Variants in BCR observed in about 807,000 individuals in gnomAD.
BCR encodes breakpoint cluster region protein.
Under a neutral mutation model 138.6 loss-of-function variants are expected in BCR, and 58 were observed. The ratio of observed to expected loss-of-function variants is 0.42; its 90% CI spans 0.34 to 0.52. BCR has a LOEUF of 0.52. Among genes scored for constraint, BCR ranks in the 20% least tolerant of loss-of-function variants. BCR has a pLI of 0.06. For missense variants in BCR, 1,599 were observed against 1,727.2 expected (o/e 0.93, Z 1.32); for synonymous variants, 786 against 730.1 (o/e 1.08, Z -1.23).
At chr22:23,194,605 G>A (rs935425126) in intron 1 of BCR, among the ~76,000 whole-genome samples, 2 of 151,848 alleles carry the variant, frequency 1.3e-5, no homozygotes, top group African/African-American at 4.8e-5. Context: ...GTAGAGACGG[G>A]GTTTCACCGT....
intron 15 of BCR, among the ~76,000 whole-genome samples, chr22:23,294,375 C>A (rs950631677): frequency 6.6e-6 from 1 of 152,186 alleles, no homozygotes; most frequent in Non-Finnish European, 1.5e-5. Context: ...GAACCTGCAT[C>A]GACAGATCAT....
intron 16 of BCR, among the ~76,000 whole-genome samples, chr22:23,305,416 G>C (rs1490178207): frequency 1.3e-5 from 2 of 152,200 alleles, no homozygotes; most frequent in Non-Finnish European, 2.9e-5. Context: ...CCCCCTCCCT[G>C]CCCCTGCTGA....
intron 8 of BCR, among the ~76,000 whole-genome samples, chr22:23,278,196 C>T (rs1036615995): frequency 6.6e-6 from 1 of 152,236 alleles, no homozygotes; most frequent in Non-Finnish European, 1.5e-5. Context: ...GGAAGCATAG[C>T]GGACGATCCA....
chr22:23,238,201 C>G (rs1002891904), intron 1 of BCR, among the ~76,000 whole-genome samples: 4 of 151,786 alleles, frequency 2.6e-5, no homozygotes, highest in Non-Finnish European at 5.9e-5. Context: ...GGGGGATGAT[C>G]GAAGAAAGCC....
chr22:23,284,983 C>A, intron 9 of BCR, 50 bp from the exon 10 acceptor site: 1 of 1,579,742 alleles, frequency 6.3e-7, no homozygotes. Flanking sequence ...GTGACATCAG[C>A]CATAGAAGGC....
chr22:23,181,322 G>A lies in BCR; in HGVS notation c.362G>A (p.Gly121Asp). 2 of 1,395,494 alleles carry A rather than the reference G, an allele frequency of 1.4e-6. No individual in the cohort carries two copies. The highest frequency in any genetic ancestry group is 1.9e-6 in the Non-Finnish European group (2 of 1,076,700). The allele number at this position is 1,395,494 out of a possible 1,614,324, so 86.4% of individuals were successfully genotyped here. Reference sequence around the variant, plus strand: ...CCCGAGGCCCGGCCCGACGGCGAGGGTTCTCCGGGTAAGGCCAGGCCCGGG... The same window carrying A: ...CCCGAGGCCCGGCCCGACGGCGAGGATTCTCCGGGTAAGGCCAGGCCCGGG... ...EEPEARPDGE[G>D]SPGKARPGTA... Residue 121 changes from glycine to aspartate, a missense_variant, in exon 1 of 23, where the codon GGT becomes GAT. This residue lies in a region of BCR where 806 missense variants were observed against 635.0 expected (regional missense o/e 1.27). Transcript: ENST00000305877.
At chr22:23,295,956 C>T (rs547696053) in intron 16 of BCR, among the ~76,000 whole-genome samples, 1 of 152,234 alleles carries the variant, frequency 6.6e-6, no homozygotes, top group African/African-American at 2.4e-5. Context: ...CCAGGACCTT[C>T]CATCTTCACA....
At chr22:23,233,358 C>T (rs1248986146) in intron 1 of BCR, among the ~76,000 whole-genome samples, 2 of 152,280 alleles carry the variant, frequency 1.3e-5, no homozygotes, top group East Asian at 1.9e-4. Flanking sequence ...AGGCTGTTCT[C>T]GTTTGGAAAC....
intron 4 of BCR, chr22:23,262,868 CGAA>C: frequency 9.5e-7 from 1 of 1,053,248 alleles, no homozygotes; most frequent in Non-Finnish European, 1.1e-6. Context: ...CCGCAGACGG[CGAA>C]GGAGGCAGCG....
chr22:23,249,228 G>GA (rs2073192690), intron 1 of BCR, among the ~76,000 whole-genome samples: 2 of 152,100 alleles, frequency 1.3e-5, no homozygotes, highest in South Asian at 4.1e-4. Context: ...AGGAGATGGA[G>GA]ACCATCCTGG....
chr22:23,186,418 T>G (rs919771689), intron 1 of BCR, among the ~76,000 whole-genome samples: 1 of 152,232 alleles, frequency 6.6e-6, no homozygotes, highest in Non-Finnish European at 1.5e-5. Flanking sequence ...GGGGAACATT[T>G]TAACCATTTT....
intron 1 of BCR, among the ~76,000 whole-genome samples, chr22:23,248,104 G>A (rs1191349647): frequency 1.3e-5 from 2 of 152,174 alleles, no homozygotes; most frequent in Non-Finnish European, 2.9e-5. Flanking sequence ...AGCACTTTGG[G>A]AGACTGAGGC....
At chr22:23,234,796 G>C (rs1274608120) in intron 1 of BCR, among the ~76,000 whole-genome samples, 2 of 143,922 alleles carry the variant, frequency 1.4e-5, no homozygotes, top group African/African-American at 4.9e-5. Flanking sequence ...CTGATGCGGG[G>C]GTGTGTGTGA....
chr22:23,297,613 T>A (rs2073861113), intron 16 of BCR, among the ~76,000 whole-genome samples: 1 of 152,160 alleles, frequency 6.6e-6, no homozygotes, highest in Admixed American at 6.5e-5. Flanking sequence ...CCAGCCTGCA[T>A]CTGGCACAGT....
At chr22:23,260,199 T>C (rs918706761) in intron 2 of BCR, among the ~76,000 whole-genome samples, 3 of 152,178 alleles carry the variant, frequency 2.0e-5, no homozygotes, top group African/African-American at 7.2e-5. Flanking sequence ...TCCAACAATG[T>C]GTCAGCTTCA....
Position 23,268,478 on chromosome 22 carries a change from G to A in BCR, c.1823G>A (p.Cys608Tyr). 1 of 1,614,010 alleles carries A rather than the reference G, an allele frequency of 6.2e-7. No homozygotes were observed. The highest frequency in any genetic ancestry group is 2.2e-5 in the East Asian group (1 of 44,882). Residue 608 changes from cysteine (C) to tyrosine (Y), a missense_variant, in exon 5 of 23, where the codon TGC (cysteine) becomes TAC (tyrosine). This residue lies in a region of BCR where 590 missense variants were observed against 762.4 expected (regional missense o/e 0.77). Coordinates refer to ENST00000305877, the MANE Select transcript of BCR (RefSeq NM_004327.4). Reference sequence around the variant, plus strand: ...GTTGCCATGGAAATGGCTGAGAAGTGCTGTCAGGCCAATGCTCAGTTTGCA... The same window carrying A: ...GTTGCCATGGAAATGGCTGAGAAGTACTGTCAGGCCAATGCTCAGTTTGCA... ...YGVAMEMAEK[C>Y]CQANAQFAEI...
chr22:23,304,388 G>T (rs2073936158), intron 16 of BCR, among the ~76,000 whole-genome samples: 1 of 151,900 alleles, frequency 6.6e-6, no homozygotes, highest in African/African-American at 2.4e-5. Flanking sequence ...ATGTTTTTGA[G>T]GTTTATTCAT....
intron 4 of BCR, among the ~76,000 whole-genome samples, chr22:23,262,562 C>A (rs989361890): frequency 6.6e-6 from 1 of 152,226 alleles, no homozygotes; most frequent in Non-Finnish European, 1.5e-5. Context: ...CCCCCACCCC[C>A]GTTTCTCCGT....
rs371040166 is a variant in BCR at position 23,315,553 on chromosome 22, G to C, written c.*31G>C. ...CCAGTCCATCTCCTGGAGGCGGACA[G>C]ATGGCCTGGAAACCTCTGGCTAATC... On this transcript the variant is annotated 3_prime_UTR_variant, in exon 23 of 23. Coordinates refer to ENST00000305877, the MANE Select transcript of BCR (RefSeq NM_004327.4). 151 of 1,599,216 alleles carry C rather than the reference G, an allele frequency of 9.4e-5. No homozygotes were observed. The highest frequency in any genetic ancestry group is 2.2e-4 in the Middle Eastern group (1 of 4,454).
Sources: gnomAD v4.1 joint callset for allele counts (sites outside exome capture counted in the v4.1 genomes callset) on GRCh38, gnomAD v4.1.1 for gene constraint, gnomAD v4.1.1 regional missense constraint, MANE v1.5 for transcripts, NCBI Gene and HGNC (gene_info 2026-07-23, HGNC 2026-07-21) for gene names.